RSL1D1: variants seen among roughly 807,000 people sequenced by gnomAD.
RSL1D1 encodes the protein ribosomal L1 domain-containing protein 1.
RSL1D1 carries 34 observed loss-of-function variants against 44.6 expected under a neutral mutation model. The observed-to-expected ratio is 0.76, with a 90% CI of 0.58 to 1.02. The LOEUF is 1.02. RSL1D1 is among the 50% of genes least tolerant of loss of function. RSL1D1 has a pLI of 0.00. For synonymous variants in RSL1D1, 271 were observed against 207.4 expected (o/e 1.31, Z -2.63); for missense variants, 767 against 568.1 (o/e 1.35, Z -3.56).
chr16:11,848,516 A>G (rs528545135), intron 2 of RSL1D1, among the ~76,000 whole-genome samples: 40 of 152,284 alleles, frequency 2.6e-4, no homozygotes, highest in African/African-American at 8.9e-4. Flanking sequence ...CATAAACATA[A>G]TAACTCTTTC....
intron 2 of RSL1D1, chr16:11,849,196 G>C (rs934416458): frequency 1.3e-5 from 2 of 152,194 alleles, no homozygotes; most frequent in African/African-American, 4.8e-5. Flanking sequence ...CCAGCCTGGA[G>C]AACACAGTGA....
rs1370867456 is a variant in RSL1D1, at chr16:11,847,669, T to G, written c.383A>C (p.Gln128Pro). The change falls in exon 3 of 9, where the codon CAG (glutamine) becomes CCG (proline). Residue 128 changes from glutamine (Q) to proline (P), a missense_variant and splice_region_variant. Coordinates refer to ENST00000571133, the MANE Select transcript of RSL1D1 (RefSeq NM_015659.3). ...LNKHGIKTVS[Q>P]IISLQTLKKE... ...GAAAATATTAACCAGGCTTCCTACCTGAGAAACGGTTTTAATTCCATGCTT... is the reference window on the plus strand; with the variant it reads ...GAAAATATTAACCAGGCTTCCTACCGGAGAAACGGTTTTAATTCCATGCTT... The G allele has an allele frequency of 1.9e-6, 3 of 1,605,872 alleles. No individual in the cohort carries two copies. Among genetic ancestry groups the G allele is most frequent in the Admixed American group, 3.5e-5 (2 of 57,658 alleles).
Position 11,851,466 on chromosome 16 carries a change from C to T in RSL1D1, c.47G>A (p.Gly16Glu), listed in dbSNP as rs944226446. 3 of 1,613,974 alleles carry T rather than the reference C, an allele frequency of 1.9e-6. No individual in the cohort carries two copies. In the African/African-American group the frequency reaches 4.0e-5, roughly 22 times the overall value. The change falls in exon 1 of 9, where the codon GGA (glycine) becomes GAA (glutamate). Residue 16 changes from glycine to glutamate, a missense_variant. Coordinates refer to ENST00000571133, the MANE Select transcript of RSL1D1 (RefSeq NM_015659.3). ...SASLSSAAAT[G>E]TSTSTPAAPT... ...GGCCGCTGGAGTCGAGGTGGAGGTT[C>T]CAGTAGCGGCTGCAGAAGACAGCGA...
At chr16:11,840,799 TC>T (rs1485789008) in intron 7 of RSL1D1, among the ~76,000 whole-genome samples, 1 of 152,144 alleles carries the variant, frequency 6.6e-6, no homozygotes, top group Non-Finnish European at 1.5e-5. Context: ...GTTGAAGTTA[TC>T]CCAGTCCCAG....
chr16:11,840,677 G>C (rs2141251154), intron 7 of RSL1D1, among the ~76,000 whole-genome samples: 1 of 152,334 alleles, frequency 6.6e-6, no homozygotes, highest in East Asian at 1.9e-4. Flanking sequence ...CCTTCCGAAA[G>C]CTTCTTTTGC....
chr16:11,839,879 A>G lies in RSL1D1; in HGVS notation c.962T>C (p.Val321Ala), dbSNP rs2053752188. 3.7e-6 allele frequency: 6 copies of G among 1,614,094 alleles called. No homozygotes were observed. The highest frequency in any genetic ancestry group is 5.1e-6 in the Non-Finnish European group (6 of 1,180,036). The change falls in exon 8 of 9, where the codon GTG (valine) becomes GCG (alanine). Residue 321 changes from valine (V) to alanine (A), a missense_variant. Transcript: ENST00000571133. ...TGTAGTATCACCACTTTCAGGTGCC[A>G]CATCATCTTTACTAAGAACTGATGC... Reference protein sequence around the residue: ...KTASVLSKDDVAPESGDTTVK... With the variant: ...KTASVLSKDDAAPESGDTTVK...
intron 7 of RSL1D1, 54 bp from the exon 8 acceptor site, chr16:11,840,039 A>C: frequency 6.3e-7 from 1 of 1,583,606 alleles, no homozygotes; most frequent in Non-Finnish European, 8.6e-7. Flanking sequence ...GTTGGTTAAC[A>C]AACGGCATAG....
intron 5 of RSL1D1, among the ~76,000 whole-genome samples, chr16:11,842,520 C>T (rs2141251992): frequency 6.6e-6 from 1 of 151,438 alleles, no homozygotes; most frequent in African/African-American, 2.4e-5. Flanking sequence ...CTACAGGTCA[C>T]CCAGCTGATT....
chr16:11,851,413 C>G lies in RSL1D1; in HGVS notation c.100G>C (p.Glu34Gln), dbSNP rs896379022. The change falls in exon 1 of 9, where the codon GAA (glutamate) becomes CAA (glutamine). Residue 34 changes from glutamate to glutamine, a missense_variant. Coordinates refer to ENST00000571133, the MANE Select transcript of RSL1D1 (RefSeq NM_015659.3). ...APTARKQLDK[E>Q]QVRKAVDALL... ...CCTCCCCAGGAACCACTCACCTGTT[C>G]TTTATCCAGCTGCTTCCGTGCTGTC... The G allele has an allele frequency of 4.3e-6, 7 of 1,613,972 alleles. No individual in the cohort carries two copies. The highest frequency in any genetic ancestry group is 5.9e-6 in the Non-Finnish European group (7 of 1,179,952).
Position 11,841,818 on chromosome 16 carries a change from C to T in RSL1D1, c.732G>A (p.Lys244=), listed in dbSNP as rs2053765566. 9 of 1,613,006 alleles carry T rather than the reference C, an allele frequency of 5.6e-6. No homozygotes were observed. The highest frequency in any genetic ancestry group is 7.6e-6 in the Non-Finnish European group (9 of 1,179,752). Residue 244 remains lysine (K), a splice_region_variant and synonymous_variant, in exon 7 of 9, where the codon AAG becomes AAA. Coordinates refer to ENST00000571133, the MANE Select transcript of RSL1D1 (RefSeq NM_015659.3). ...TKGLSEKLPE[K]WESVKLLFVK... is the part of the protein sequence containing the mutation. ...CAAACAGGAGTTTCACGCTCTCCCA[C>T]TTCTGAAACAAAGAAAAGAGTAACA...
At position 11,846,685 on chromosome 16, in the gene RSL1D1, A is replaced by G; in HGVS notation, c.533+10T>C. On this transcript the variant is annotated intron_variant, in intron 4 of 8. Coordinates refer to ENST00000571133, the MANE Select transcript of RSL1D1 (RefSeq NM_015659.3). Reference sequence around the variant, plus strand: ...TGCTGCTAAAGTCCAGTCATTACTAAGAAACTTACTTCTTTCTTTGATAGA... The same window carrying G: ...TGCTGCTAAAGTCCAGTCATTACTAGGAAACTTACTTCTTTCTTTGATAGA... 1.2e-6 allele frequency: 2 copies of G among 1,613,778 alleles called. No homozygotes were observed. The highest frequency in any genetic ancestry group is 1.7e-6 in the Non-Finnish European group (2 of 1,179,876).
At chr16:11,851,087 T>A (rs2141256805) in intron 1 of RSL1D1, 1 of 409,524 alleles carries the variant, frequency 2.4e-6, no homozygotes, top group East Asian at 5.6e-5. Flanking sequence ...CCACTTTAAA[T>A]AACGGGTAAC....
rs150419519 is a variant in RSL1D1, at chr16:11,851,493, G to C, written c.20C>G (p.Ala7Gly). Reference protein sequence around the residue: MEDSASASLSSAAATGT... With the variant: MEDSASGSLSSAAATGT... Reference sequence around the variant, plus strand: ...AGTAGCGGCTGCAGAAGACAGCGAGGCCGAGGCCGAATCCTCCATCTTGTT... The same window carrying C: ...AGTAGCGGCTGCAGAAGACAGCGAGCCCGAGGCCGAATCCTCCATCTTGTT... Residue 7 changes from alanine (A) to glycine (G), a missense_variant, in exon 1 of 9, where the codon GCC becomes GGC. Physicochemically the swap from Ala to Gly is moderately conservative, Grantham distance 60. Coordinates refer to ENST00000571133, the MANE Select transcript of RSL1D1 (RefSeq NM_015659.3). The C allele has an allele frequency of 5.6e-6, 9 of 1,613,896 alleles. No homozygotes were observed. The highest frequency in any genetic ancestry group is 5.9e-6 in the Non-Finnish European group (7 of 1,179,952).
At position 11,841,726 on chromosome 16, in the gene RSL1D1, G is replaced by A. The variant is rs1294446039; in HGVS notation, c.824C>T (p.Thr275Ile). 2 of 1,613,238 alleles carry A rather than the reference G, an allele frequency of 1.2e-6. No individual in the cohort carries two copies. Among genetic ancestry groups the A allele is most frequent in the Admixed American group, 1.7e-5 (1 of 59,844 alleles). ...CTTCTTATTAAGCAAAGATCTTTTG[G>A]TGGCTTCATCCCAATTGCTGACAAA... ...SSFVSNWDEA[T>I]KRSLLNKKKK... Residue 275 changes from threonine to isoleucine, a missense_variant, in exon 7 of 9, where the codon ACC becomes ATC. Transcript: ENST00000571133.
Position 11,836,486 on chromosome 16 carries a change from T to TAAAA in RSL1D1, c.*1297_*1300dup, listed in dbSNP as rs2053719938. 6.6e-6 allele frequency: 1 copy of TAAAA among 152,194 alleles called. No individual in the cohort carries two copies. The highest frequency in any genetic ancestry group is 1.5e-5 in the Non-Finnish European group (1 of 68,038). 9.4% of individuals were successfully genotyped at this position (152,194 alleles called of 1,614,324 possible). ...CACAACCAGTGAAAGGCCACGTACC[T>TAAAA]AAAAAGGTGTTTACTGCCTCAGAAT... On this transcript the variant is annotated 3_prime_UTR_variant, in exon 9 of 9. Coordinates refer to ENST00000571133, the MANE Select transcript of RSL1D1 (RefSeq NM_015659.3).
chr16:11,843,871 CAA>C (rs35833714), intron 5 of RSL1D1, among the ~76,000 whole-genome samples: 2 of 53,554 alleles, frequency 3.7e-5, no homozygotes, highest in Admixed American at 6.0e-4. Flanking sequence ...AACTCTGTCT[CAA>C]AAAAAAAAAA....
In RSL1D1 at chr16:11,836,872, G is replaced by A. The variant is rs1234819680; in HGVS notation, c.*915C>T. 6.6e-6 allele frequency: 1 copy of A among 152,212 alleles called. No homozygotes were observed. The highest frequency in any genetic ancestry group is 1.5e-5 in the Non-Finnish European group (1 of 68,052). The allele number at this position is 152,212 out of a possible 1,614,324, so 9.4% of individuals were successfully genotyped here. On this transcript the variant is annotated 3_prime_UTR_variant, in exon 9 of 9. Coordinates refer to ENST00000571133, the MANE Select transcript of RSL1D1 (RefSeq NM_015659.3). ...TACAAATGAATATGATGGAGTCCAT[G>A]TGAATAATGGTTGAGCAGGTGAGGA...
At chr16:11,845,262 G>C (rs986835589) in intron 5 of RSL1D1, among the ~76,000 whole-genome samples, 10 of 152,152 alleles carry the variant, frequency 6.6e-5, no homozygotes, top group African/African-American at 2.4e-4. Flanking sequence ...AGTCTAGATG[G>C]GGCAAAATAG....
At chr16:11,841,613 G>T in intron 7 of RSL1D1, 82 bp downstream of exon 7, 1 of 1,310,148 alleles carries the variant, frequency 7.6e-7, no homozygotes, top group Non-Finnish European at 1.1e-6. Context: ...AAGTCGGGCA[G>T]CGATGATGGT....
Sources: gnomAD v4.1 joint callset for allele counts (sites outside exome capture counted in the v4.1 genomes callset) on GRCh38, gnomAD v4.1.1 for gene constraint, MANE v1.5 for transcripts, NCBI Gene and HGNC (gene_info 2026-07-23, HGNC 2026-07-21) for gene names.